Variants in COTL1 observed in about 807,000 individuals in gnomAD.
COTL1 encodes coactosin-like protein.
In COTL1, 15 loss-of-function variants were observed where a neutral mutation model predicts 16.5. That is an observed-to-expected ratio of 0.91 (90% CI 0.61 to 1.40). The LOEUF is 1.40. Ranked by LOEUF, COTL1 falls within the 40% of genes most tolerant of loss-of-function variation. The probability of loss-of-function intolerance (pLI) is 0.00; values close to 1 mark genes in which losing one functional copy is unlikely to be tolerated. For synonymous variants in COTL1, 112 were observed against 85.3 expected (o/e 1.31, Z -1.73); for missense variants, 220 against 201.5 (o/e 1.09, Z -0.56).
At chr16:84,569,435 TC>T (rs1904313051) in intron 3 of COTL1, among the ~76,000 whole-genome samples, 1 of 152,026 alleles carries the variant, frequency 6.6e-6, no homozygotes, top group Admixed American at 6.6e-5. Context: ...CCCAGGAGCA[TC>T]CCGAAGTCAA....
At chr16:84,572,650 C>T (rs1366641684) in intron 3 of COTL1, among the ~76,000 whole-genome samples, 1 of 152,158 alleles carries the variant, frequency 6.6e-6, no homozygotes, top group African/African-American at 2.4e-5. Flanking sequence ...TCTGTAGAGA[C>T]GTGGTTTCGT....
In COTL1 at chr16:84,611,928, C is replaced by G. The variant is rs536678875; in HGVS notation, c.160+5573G>C. 3.4e-4 allele frequency among the ~76,000 whole-genome samples: 52 copies of G among 152,260 alleles called. 1 individual carries two copies. The highest frequency in any genetic ancestry group is 1.1e-3 in the African/African-American group (47 of 41,570). Reference sequence around the variant, plus strand: ...ATACAACCGGTCTGGCAAATGGCCCCTTTCCCTCCACCTCTGCCAGCTGAG... The same window carrying G: ...ATACAACCGGTCTGGCAAATGGCCCGTTTCCCTCCACCTCTGCCAGCTGAG... On this transcript the variant is annotated intron_variant, in intron 2 of 3. Transcript: ENST00000262428.
intron 3 of COTL1, among the ~76,000 whole-genome samples, chr16:84,574,706 C>T (rs1218371680): frequency 1.3e-5 from 2 of 152,116 alleles, no homozygotes; most frequent in Non-Finnish European, 2.9e-5. Context: ...GCCTCTACCT[C>T]CTGAGTAGCT....
chr16:84,598,599 C>T (rs1218030592), intron 2 of COTL1, among the ~76,000 whole-genome samples: 1 of 151,754 alleles, frequency 6.6e-6, no homozygotes, highest in African/African-American at 2.4e-5. Context: ...CTGGAGGTGC[C>T]TTTACGCCTC....
chr16:84,570,409 C>G (rs1904320339), intron 3 of COTL1, among the ~76,000 whole-genome samples: 1 of 151,742 alleles, frequency 6.6e-6, no homozygotes, highest in Non-Finnish European at 1.5e-5. Context: ...GCAAAACAGA[C>G]AGCAGATCTA....
chr16:84,569,993 G>C (rs1904316662), intron 3 of COTL1, among the ~76,000 whole-genome samples: 1 of 152,196 alleles, frequency 6.6e-6, no homozygotes, highest in Non-Finnish European at 1.5e-5. Flanking sequence ...AAATAAGTTT[G>C]AGAGCCATGG....
At chr16:84,577,964 C>T (rs1597169386) in intron 3 of COTL1, among the ~76,000 whole-genome samples, 1 of 152,240 alleles carries the variant, frequency 6.6e-6, no homozygotes, top group African/African-American at 2.4e-5. Flanking sequence ...TTACAGAAGC[C>T]CCAAACGCAC....
At chr16:84,578,930 C>A (rs1904514858) in intron 3 of COTL1, among the ~76,000 whole-genome samples, 1 of 151,666 alleles carries the variant, frequency 6.6e-6, no homozygotes, top group Non-Finnish European at 1.5e-5. Context: ...CACACAGATA[C>A]ATGCATGCAC....
chr16:84,588,600 TC>T (rs1197851963), intron 3 of COTL1, among the ~76,000 whole-genome samples: 3 of 152,172 alleles, frequency 2.0e-5, no homozygotes, highest in Non-Finnish European at 4.4e-5. Context: ...AGCCTCGCCC[TC>T]CTAGGCTCAA....
chr16:84,611,970 C>T (rs1000273071), intron 2 of COTL1, among the ~76,000 whole-genome samples: 3 of 152,112 alleles, frequency 2.0e-5, no homozygotes, highest in African/African-American at 7.2e-5. Flanking sequence ...TTGCTCCAGG[C>T]TCCCAGTGGC....
At chr16:84,613,913 C>T (rs1905399324) in intron 2 of COTL1, among the ~76,000 whole-genome samples, 1 of 151,898 alleles carries the variant, frequency 6.6e-6, no homozygotes, top group African/African-American at 2.4e-5. Context: ...GGGCACATGA[C>T]CTCAGGGCCA....
At chr16:84,584,942 G>T (rs907026616) in intron 3 of COTL1, among the ~76,000 whole-genome samples, 1 of 151,972 alleles carries the variant, frequency 6.6e-6, no homozygotes, top group African/African-American at 2.4e-5. Flanking sequence ...ACGCCATCTG[G>T]CTCCAAAGTC....
At chr16:84,578,628 C>A (rs1448446181) in intron 3 of COTL1, among the ~76,000 whole-genome samples, 6 of 151,886 alleles carry the variant, frequency 4.0e-5, no homozygotes, top group Middle Eastern at 3.4e-3. Flanking sequence ...CCAACACACA[C>A]ACACGCAGGC....
intron 2 of COTL1, among the ~76,000 whole-genome samples, chr16:84,593,663 C>T (rs1056644845): frequency 6.6e-6 from 1 of 152,162 alleles, no homozygotes; most frequent in Non-Finnish European, 1.5e-5. Flanking sequence ...AGGCGCCCGC[C>T]ACCACGCCCG....
chr16:84,603,921 C>T (rs1039897361), intron 2 of COTL1, among the ~76,000 whole-genome samples: 1 of 151,426 alleles, frequency 6.6e-6, no homozygotes, highest in Non-Finnish European at 1.5e-5. Flanking sequence ...GGGGCCACTG[C>T]ACCCTGGGCC....
At chr16:84,574,363 A>G (rs1904404405) in intron 3 of COTL1, among the ~76,000 whole-genome samples, 1 of 152,030 alleles carries the variant, frequency 6.6e-6, no homozygotes, top group Non-Finnish European at 1.5e-5. Context: ...GCACAGCAAC[A>G]TGTGTCAGTC....
At chr16:84,611,560 C>A (rs567965847) in intron 2 of COTL1, among the ~76,000 whole-genome samples, 1 of 152,168 alleles carries the variant, frequency 6.6e-6, no homozygotes, top group Non-Finnish European at 1.5e-5. Flanking sequence ...GTCAGCTCCA[C>A]GAGGACAGGC....
intron 2 of COTL1, among the ~76,000 whole-genome samples, chr16:84,591,667 C>CAAAAAAAAAAAA (rs1904867955): frequency 1.3e-5 from 1 of 79,190 alleles, no homozygotes; most frequent in African/African-American, 4.7e-5. Flanking sequence ...AAAAAAAAAC[C>CAAAAAAAAAAAA]AAAAAATTAG....
chr16:84,603,214 G>A (rs765429902), intron 2 of COTL1, among the ~76,000 whole-genome samples: 11 of 152,128 alleles, frequency 7.2e-5, no homozygotes, highest in East Asian at 1.9e-4. Flanking sequence ...ACTCCAGCCC[G>A]CAAGCCTGCG....
Sources: allele counts gnomAD v4.1 joint callset (sites outside exome capture counted in the v4.1 genomes callset), GRCh38; gene constraint gnomAD v4.1.1; transcripts MANE v1.5; gene names NCBI Gene and HGNC (gene_info 2026-07-23, HGNC 2026-07-21).